Variants in BCAS3 observed in about 807,000 individuals in gnomAD.
BCAS3 encodes the protein BCAS4/BCAS3 fusion.
BCAS3 carries 53 observed loss-of-function variants against 116.1 expected under a neutral mutation model. The observed-to-expected ratio is 0.46, with a 90% CI of 0.37 to 0.57. The LOEUF (loss-of-function observed/expected upper bound fraction) is 0.57. Ranked by LOEUF, BCAS3 falls within the 20% of genes least tolerant of loss-of-function variation. The probability of loss-of-function intolerance (pLI) is 0.00; values close to 1 mark genes in which losing one functional copy is unlikely to be tolerated. For missense variants in BCAS3, 917 were observed against 1,165.4 expected (o/e 0.79, Z 3.10); for synonymous variants, 391 against 408.2 (o/e 0.96, Z 0.51).
At chr17:60,924,898 C>T (rs1339033882) in intron 13 of BCAS3, among the ~76,000 whole-genome samples, 7 of 149,968 alleles carry the variant, frequency 4.7e-5, no homozygotes, top group South Asian at 2.1e-4. Context: ...TTAATTTTCT[C>T]GGTTTTTTTT....
In BCAS3 at chr17:61,371,224, C is replaced by T. The variant is rs555945428; in HGVS notation, c.2593+2730C>T. Among the ~76,000 whole-genome samples the T allele has an allele frequency of 1.2e-4, 18 of 152,292 alleles. 1 individual carries two copies. In the South Asian group the frequency reaches 3.7e-3, roughly 32 times the overall value. ...ACGCCTCACTGTTACATAGGTGTAG[C>T]CAGCCTTGATTTGTGGATTTCTGTA... is the stretch of plus-strand genomic sequence containing the variant. On this transcript the variant is annotated intron_variant, in intron 23 of 23. Coordinates refer to ENST00000407086, the MANE Select transcript of BCAS3 (RefSeq NM_017679.5).
intron 6 of BCAS3, among the ~76,000 whole-genome samples, chr17:60,763,577 G>A (rs1294789937): frequency 2.0e-5 from 3 of 152,142 alleles, no homozygotes; most frequent in African/African-American, 4.8e-5. Flanking sequence ...GCTTTTTGAT[G>A]TGCTGCTGGA....
At chr17:60,748,862 G>T (rs1201141684) in intron 6 of BCAS3, 1 of 152,046 alleles carries the variant, frequency 6.6e-6, no homozygotes, top group Non-Finnish European at 1.5e-5. Flanking sequence ...AATTTTATAT[G>T]GGTAAGTTTT....
chr17:60,926,392 T>A (rs1347141516), intron 13 of BCAS3, among the ~76,000 whole-genome samples: 3 of 152,158 alleles, frequency 2.0e-5, no homozygotes, highest in Non-Finnish European at 4.4e-5. Flanking sequence ...TTTCATCTTT[T>A]CAAATAAAGA....
Position 60,854,949 on chromosome 17 carries a change from G to C in BCAS3, c.477-13627G>C, listed in dbSNP as rs1460965220. Among the ~76,000 whole-genome samples, 2 of 121,932 alleles carry C rather than the reference G, an allele frequency of 1.6e-5. 1 individual carries two copies. Among genetic ancestry groups the C allele is most frequent in the South Asian group, 5.3e-4 (2 of 3,778 alleles). The allele number at this position is 121,932 out of a possible 152,430, so 80.0% of individuals were successfully genotyped here. ...ATTTTTCTTATTTATTTTCAGTGAG[G>C]TTTTTTTTTTTTTTTTTTTTTGTAG... On this transcript the variant is annotated intron_variant, in intron 7 of 23. Coordinates refer to ENST00000407086, the MANE Select transcript of BCAS3 (RefSeq NM_017679.5).
At chr17:60,733,861 T>C (rs1322095902) in intron 5 of BCAS3, among the ~76,000 whole-genome samples, 1 of 152,026 alleles carries the variant, frequency 6.6e-6, no homozygotes, top group Non-Finnish European at 1.5e-5. Context: ...AAAATCAGAT[T>C]GTTTTCTTAT....
chr17:61,017,758 G>A lies in BCAS3; in HGVS notation c.1637+1857G>A, dbSNP rs143336884. Among the ~76,000 whole-genome samples, 103 of 152,092 alleles carry A rather than the reference G, an allele frequency of 6.8e-4. No individual in the cohort carries two copies. The highest frequency in any genetic ancestry group is 2.2e-3 in the African/African-American group (91 of 41,512). On this transcript the variant is annotated intron_variant, in intron 16 of 23. Transcript: ENST00000407086. This position sits in a 1 kb window ranked among gnomAD's most constrained non-coding sequence, Gnocchi z 4.7. ...GGAAGTGAGTCTGCTTTTTTATGTA[G>A]TATTTGAAATTTTCCATAAGAAGAT...
At chr17:60,921,911 G>A (rs1321201761) in intron 12 of BCAS3, among the ~76,000 whole-genome samples, 1 of 151,618 alleles carries the variant, frequency 6.6e-6, no homozygotes, top group African/African-American at 2.4e-5. Context: ...GTAAAAGAGA[G>A]ACATTTCATT....
chr17:60,967,207 G>A lies in BCAS3; in HGVS notation c.1221+19855G>A, dbSNP rs890614407. ...TCTTGGTTCAGATTGAATTATTCTCGTTAGCATTTCTTGTTAGGTGGGTCA... is the reference window on the plus strand; with the variant it reads ...TCTTGGTTCAGATTGAATTATTCTCATTAGCATTTCTTGTTAGGTGGGTCA... On this transcript the variant is annotated intron_variant, in intron 14 of 23. Transcript: ENST00000407086. This position sits in a 1 kb window ranked among gnomAD's most constrained non-coding sequence, Gnocchi z 4.7. Among the ~76,000 whole-genome samples, 5 of 151,942 alleles carry A rather than the reference G, an allele frequency of 3.3e-5. No homozygotes were observed. Among genetic ancestry groups the A allele is most frequent in the Admixed American group, 2.6e-4 (4 of 15,256 alleles).
At chr17:60,970,727 A>C (rs962178065) in intron 14 of BCAS3, among the ~76,000 whole-genome samples, 5 of 152,228 alleles carry the variant, frequency 3.3e-5, no homozygotes, top group African/African-American at 1.2e-4. Flanking sequence ...AAATGTATGC[A>C]TCTAAAACTG....
At position 61,187,507 on chromosome 17, in the gene BCAS3, A is replaced by G. The variant is rs138034662; in HGVS notation, c.2425+102943A>G. Among the ~76,000 whole-genome samples the G allele has an allele frequency of 9.2e-5, 14 of 152,370 alleles. No individual in the cohort carries two copies. The East Asian group carries it at 2.7e-3, about 29-fold the overall frequency. ...CCTTCTAAAACACCTAGAGCTGAGA[A>G]TGACAGTTTTACCCCCTTACCTTCA... On this transcript the variant is annotated intron_variant, in intron 22 of 23. Coordinates refer to ENST00000407086, the MANE Select transcript of BCAS3 (RefSeq NM_017679.5).
intron 22 of BCAS3, among the ~76,000 whole-genome samples, chr17:61,322,814 G>C (rs1266502213): frequency 1.7e-4 from 22 of 131,012 alleles, no homozygotes; most frequent in African/African-American, 6.5e-4. Context: ...GAGAGAGAGA[G>C]AGAGAGAGAG....
At chr17:60,823,421 T>A (rs958867403) in intron 7 of BCAS3, among the ~76,000 whole-genome samples, 7 of 152,060 alleles carry the variant, frequency 4.6e-5, no homozygotes, top group Admixed American at 4.6e-4. Context: ...GATTGAGGGC[T>A]GGCAAAGTGG....
intron 7 of BCAS3, chr17:60,810,138 G>A: frequency 5.3e-6 from 2 of 380,806 alleles, no homozygotes; most frequent in South Asian, 5.4e-5. Context: ...CCTGAGTCCT[G>A]TCCTCTCACT....
At chr17:60,839,790 A>T (rs956215091) in intron 7 of BCAS3, among the ~76,000 whole-genome samples, 1 of 152,140 alleles carries the variant, frequency 6.6e-6, no homozygotes, top group African/African-American at 2.4e-5. Context: ...AAGTGTTTCC[A>T]TGCTTCTTGC....
rs947191111 is a variant in BCAS3, at chr17:61,243,406, G to T, written c.2426-124921G>T. On this transcript the variant is annotated intron_variant, in intron 22 of 23. Transcript: ENST00000407086. The surrounding 1 kb of genome is among the most constrained non-coding windows in gnomAD (Gnocchi z 5.6). ...GACATTTAGTTTGCTTCTACATCTT[G>T]ACTATTGTGCATAATGCTACAGTGA... Among the ~76,000 whole-genome samples the T allele has an allele frequency of 6.6e-6, 1 of 152,048 alleles. No homozygotes were observed. Among genetic ancestry groups the T allele is most frequent in the Non-Finnish European group, 1.5e-5 (1 of 68,008 alleles).
At chr17:61,059,909 C>G (rs1005917695) in intron 19 of BCAS3, among the ~76,000 whole-genome samples, 2 of 151,750 alleles carry the variant, frequency 1.3e-5, no homozygotes, top group African/African-American at 4.8e-5. Flanking sequence ...GCCTGTAATC[C>G]CAGCCACTCG....
rs1040402927 is a variant in BCAS3 at position 61,219,098 on chromosome 17, T to C, written c.2425+134534T>C. ...AGGATTCTGCGCTCCGTAACTAATATTTTTATAGGAAATATGAAATGAAGT... is the reference window on the plus strand; with the variant it reads ...AGGATTCTGCGCTCCGTAACTAATACTTTTATAGGAAATATGAAATGAAGT... On this transcript the variant is annotated intron_variant, in intron 22 of 23. Transcript: ENST00000407086. The surrounding 1 kb of genome is among the most constrained non-coding windows in gnomAD (Gnocchi z 5.2). 2.0e-5 allele frequency among the ~76,000 whole-genome samples: 3 copies of C among 152,136 alleles called. No individual in the cohort carries two copies. The highest frequency in any genetic ancestry group is 4.4e-5 in the Non-Finnish European group (3 of 68,022).
chr17:61,010,068 CTTTTTT>C (rs1189821266), intron 15 of BCAS3, among the ~76,000 whole-genome samples: 2 of 111,046 alleles, frequency 1.8e-5, no homozygotes, highest in Non-Finnish European at 3.8e-5. Flanking sequence ...CAGACTCTGT[CTTTTTT>C]TTTTTTTTTT....
Sources: allele counts gnomAD v4.1 joint callset (sites outside exome capture counted in the v4.1 genomes callset), GRCh38; gene constraint gnomAD v4.1.1; non-coding constraint Gnocchi (gnomAD v3.1); transcripts MANE v1.5; gene names NCBI Gene and HGNC (gene_info 2026-07-23, HGNC 2026-07-21).